MAP2K5: variants seen among roughly 807,000 people sequenced by gnomAD.
The protein encoded by MAP2K5 is mitogen-activated protein kinase kinase 5.
In MAP2K5, 49 loss-of-function variants were observed where a neutral mutation model predicts 83.1. The observed-to-expected ratio is 0.59, with a 90% confidence interval of 0.47 to 0.75. The LOEUF (loss-of-function observed/expected upper bound fraction) is 0.75. MAP2K5 is among the 30% of genes least tolerant of loss of function. The pLI, the probability that MAP2K5 is intolerant of heterozygous loss-of-function variation, is 0.00. For synonymous variants in MAP2K5, 202 were observed against 191.8 expected, an observed-to-expected ratio of 1.05 and a Z score of -0.44; for missense variants, 457 against 557.5, an observed-to-expected ratio of 0.82 and a Z score of 1.82.
chr15:67,565,735 T>C lies in MAP2K5; in HGVS notation c.252+2385T>C, dbSNP rs1192879306. On this transcript the variant is annotated intron_variant, in intron 3 of 21. Transcript: ENST00000178640. The surrounding 1 kb of genome is among the most constrained non-coding windows in gnomAD (Gnocchi z 4.1). The stretch of plus-strand genomic sequence containing the variant: ...CTGAGATTACTTGGGTCCACTTTTT[T>C]TTATCTGAATAGAAGTCATCTATCT... Among the ~76,000 whole-genome samples, 5 of 152,320 alleles carry C rather than the reference T, an allele frequency of 3.3e-5. No individual in the cohort carries two copies. In the East Asian group the frequency reaches 9.6e-4, roughly 29 times the overall value.
At chr15:67,670,801 A>C (rs568038177) in intron 13 of MAP2K5, among the ~76,000 whole-genome samples, 1 of 152,284 alleles carries the variant, frequency 6.6e-6, no homozygotes, top group African/African-American at 2.4e-5. Flanking sequence ...CAGGGAAGGA[A>C]GGATAGTGGG....
At chr15:67,666,122 G>A (rs750755158) in intron 13 of MAP2K5, among the ~76,000 whole-genome samples, 9 of 152,156 alleles carry the variant, frequency 5.9e-5, no homozygotes, top group Non-Finnish European at 1.0e-4. Context: ...AAAGGGCAGT[G>A]CCATGGAAAT....
intron 19 of MAP2K5, among the ~76,000 whole-genome samples, chr15:67,752,040 C>T (rs996276201): frequency 2.6e-5 from 4 of 151,976 alleles, no homozygotes; most frequent in Non-Finnish European, 5.9e-5. Context: ...CGTCTGTCTT[C>T]GGTGTTTTTT....
chr15:67,610,866 A>C (rs2085904567), intron 8 of MAP2K5, among the ~76,000 whole-genome samples: 1 of 152,206 alleles, frequency 6.6e-6, no homozygotes, highest in Non-Finnish European at 1.5e-5. Flanking sequence ...TTGACCCTAA[A>C]ATTTCCTTAC....
rs941107146 is a variant in MAP2K5, at chr15:67,801,339, T to C, written c.1243-5307T>C. On this transcript the variant is annotated intron_variant, in intron 21 of 21. Coordinates refer to ENST00000178640, the MANE Select transcript of MAP2K5 (RefSeq NM_145160.3). The surrounding 1 kb of genome is among the most constrained non-coding windows in gnomAD (Gnocchi z 4.8). ...GCTGCCCTGTCCCAACAGCAGCTTG[T>C]TGGAGTCTTTACTAGGCCAGGCTTA... 1.1e-4 allele frequency among the ~76,000 whole-genome samples: 17 copies of C among 152,180 alleles called. No individual in the cohort carries two copies. Among genetic ancestry groups the C allele is most frequent in the South Asian group, 2.1e-4 (1 of 4,834 alleles).
At chr15:67,570,681 T>C (rs917007496) in intron 3 of MAP2K5, among the ~76,000 whole-genome samples, 1 of 152,236 alleles carries the variant, frequency 6.6e-6, no homozygotes, top group Non-Finnish European at 1.5e-5. Flanking sequence ...AGTAGCGTTA[T>C]AATTGAATTT....
intron 21 of MAP2K5, among the ~76,000 whole-genome samples, chr15:67,791,027 C>T (rs1160710130): frequency 5.3e-5 from 8 of 152,160 alleles, no homozygotes; most frequent in African/African-American, 1.9e-4. Context: ...TACCTGTCTA[C>T]CCAGAGAGAG....
chr15:67,576,229 T>C (rs2085061683), intron 3 of MAP2K5, among the ~76,000 whole-genome samples: 1 of 147,434 alleles, frequency 6.8e-6, no homozygotes, highest in African/African-American at 2.5e-5. Context: ...CTCTCTTTCT[T>C]AATAGAAAAT....
Position 67,563,298 on chromosome 15 carries a change from G to A in MAP2K5, c.200G>A (p.Gly67Asp), listed in dbSNP as rs2140965585. The A allele has an allele frequency of 1.2e-6, 2 of 1,610,870 alleles. No individual in the cohort carries two copies. Among genetic ancestry groups the A allele is most frequent in the East Asian group, 2.2e-5 (1 of 44,746 alleles). The change falls in exon 3 of 22, where the codon GGT (glycine) becomes GAT (aspartate). Residue 67 changes from glycine (G) to aspartate (D), a missense_variant. Coordinates refer to ENST00000178640, the MANE Select transcript of MAP2K5 (RefSeq NM_145160.3). The surrounding 1 kb of genome is among the most constrained non-coding windows in gnomAD (Gnocchi z 4.5). ...TTAFEYEDED[G>D]DRITVRSDEE... ...TTTTAAACAGATGAAGATGAAGATG[G>A]TGATCGAATTACAGTGAGAAGTGAT...
Position 67,636,339 on chromosome 15 carries a change from T to C in MAP2K5, c.585+5412T>C, listed in dbSNP as rs1317782396. On this transcript the variant is annotated intron_variant, in intron 9 of 21. Transcript: ENST00000178640. This position sits in a 1 kb window ranked among gnomAD's most constrained non-coding sequence, Gnocchi z 4.7. ...AGGAGAATGGCGTGAACCTGGGAAG[T>C]GGAGCTTGCAGTGAGCCAAGATTGC... 1.3e-5 allele frequency among the ~76,000 whole-genome samples: 2 copies of C among 150,508 alleles called. No homozygotes were observed. The highest frequency in any genetic ancestry group is 2.9e-5 in the Non-Finnish European group (2 of 67,820).
At chr15:67,657,465 G>A (rs551507995) in intron 11 of MAP2K5, among the ~76,000 whole-genome samples, 4 of 152,084 alleles carry the variant, frequency 2.6e-5, no homozygotes, top group South Asian at 2.1e-4. Flanking sequence ...AACATAAAAC[G>A]TTTTTCTGCT....
rs547653152 is a variant in MAP2K5 at position 67,804,966 on chromosome 15, T to A, written c.1243-1680T>A. Among the ~76,000 whole-genome samples, 19 of 152,252 alleles carry A rather than the reference T, an allele frequency of 1.2e-4. 1 individual carries two copies. In the South Asian group the frequency reaches 3.7e-3, roughly 30 times the overall value. ...TCCTGCTCAGGCCCCAGACCAAACC[T>A]CTGCCATCCACAGGGCCACACCCAG... On this transcript the variant is annotated intron_variant, in intron 21 of 21. Transcript: ENST00000178640.
intron 16 of MAP2K5, among the ~76,000 whole-genome samples, chr15:67,705,625 A>C (rs904234725): frequency 2.0e-5 from 3 of 152,014 alleles, no homozygotes; most frequent in African/African-American, 7.3e-5. Flanking sequence ...AATCCCAGCT[A>C]CTCGGGAGGC....
rs1265280633 is a variant in MAP2K5 at position 67,779,551 on chromosome 15, A to G, written c.1242+6799A>G. Reference sequence around the variant, plus strand: ...TATGCATGCGCATAGCAAGAGAGATATAGATAAAGTCTGTCATTCCTTGAT... The same window carrying G: ...TATGCATGCGCATAGCAAGAGAGATGTAGATAAAGTCTGTCATTCCTTGAT... On this transcript the variant is annotated intron_variant, in intron 21 of 21. Coordinates refer to ENST00000178640, the MANE Select transcript of MAP2K5 (RefSeq NM_145160.3). This position sits in a 1 kb window ranked among gnomAD's most constrained non-coding sequence, Gnocchi z 4.6. Among the ~76,000 whole-genome samples, 1 of 152,254 alleles carries G rather than the reference A, an allele frequency of 6.6e-6. No homozygotes were observed. The highest frequency in any genetic ancestry group is 1.5e-5 in the Non-Finnish European group (1 of 68,048).
chr15:67,645,718 A>ATTT (rs779547659), intron 9 of MAP2K5, among the ~76,000 whole-genome samples: 1 of 142,020 alleles, frequency 7.0e-6, no homozygotes, highest in African/African-American at 2.6e-5. Flanking sequence ...CACACAGGTA[A>ATTT]TTTTTTTTTT....
At chr15:67,799,475 G>A (rs1487525796) in intron 21 of MAP2K5, among the ~76,000 whole-genome samples, 1 of 152,272 alleles carries the variant, frequency 6.6e-6, no homozygotes, top group Non-Finnish European at 1.5e-5. Flanking sequence ...AGAGCAGGTG[G>A]TATTTGGTGT....
chr15:67,715,934 CAT>C (rs1445142881), intron 16 of MAP2K5, among the ~76,000 whole-genome samples: 1 of 152,178 alleles, frequency 6.6e-6, no homozygotes, highest in Non-Finnish European at 1.5e-5. Flanking sequence ...CCTGGGGACA[CAT>C]AAGTAGGGAC....
rs912276651 is a variant in MAP2K5, at chr15:67,562,726, T to C, written c.185-557T>C. Among the ~76,000 whole-genome samples, 1 of 152,170 alleles carries C rather than the reference T, an allele frequency of 6.6e-6. No individual in the cohort carries two copies. The highest frequency in any genetic ancestry group is 1.5e-5 in the Non-Finnish European group (1 of 68,032). On this transcript the variant is annotated intron_variant, in intron 2 of 21. Coordinates refer to ENST00000178640, the MANE Select transcript of MAP2K5 (RefSeq NM_145160.3). The surrounding 1 kb of genome is among the most constrained non-coding windows in gnomAD (Gnocchi z 4.1). ...CTTGCACTAGGCCTAGGTTCTCCTG[T>C]GGAAAGAGAATAATAATAATGATGT...
chr15:67,626,415 T>C (rs2086324547), intron 8 of MAP2K5, among the ~76,000 whole-genome samples: 1 of 151,886 alleles, frequency 6.6e-6, no homozygotes, highest in Non-Finnish European at 1.5e-5. Flanking sequence ...TAATCCCAGC[T>C]CCTTGGGAGG....
Sources: gnomAD v4.1 joint callset for allele counts (sites outside exome capture counted in the v4.1 genomes callset) on GRCh38, gnomAD v4.1.1 for gene constraint, Gnocchi (gnomAD v3.1) non-coding constraint, MANE v1.5 for transcripts, NCBI Gene and HGNC (gene_info 2026-07-23, HGNC 2026-07-21) for gene names.